The following FSHR variants were observed in gnomAD, a reference collection of about 807,000 sequenced individuals.
The protein encoded by FSHR is follicle-stimulating hormone receptor.
A neutral mutation model predicts 52.1 loss-of-function variants in FSHR; 46 were observed. The observed-to-expected ratio is 0.88, with a 90% confidence interval of 0.70 to 1.13. FSHR has a LOEUF of 1.13. FSHR is among the 50% of genes most tolerant of loss of function. The pLI is 0.00. For missense variants in FSHR, 964 were observed against 834.6 expected, an observed-to-expected ratio of 1.16 and a Z score of -1.91; for synonymous variants, 399 against 309.6, an observed-to-expected ratio of 1.29 and a Z score of -3.03.
intron 5 of FSHR, among the ~76,000 whole-genome samples, chr2:48,990,105 C>A (rs942223508): frequency 1.3e-5 from 2 of 152,008 alleles, no homozygotes; most frequent in African/African-American, 4.8e-5. Context: ...TTTTCTCTTC[C>A]TTTTTCAAAA....
At chr2:49,048,590 C>A (rs1008003091) in intron 2 of FSHR, among the ~76,000 whole-genome samples, 2 of 152,198 alleles carry the variant, frequency 1.3e-5, no homozygotes, top group Middle Eastern at 3.2e-3. Context: ...GTGCATATTA[C>A]GTGTTTATAA....
intron 1 of FSHR, among the ~76,000 whole-genome samples, chr2:49,122,950 C>G (rs192710652): frequency 4.6e-5 from 7 of 152,266 alleles, no homozygotes; most frequent in African/African-American, 1.7e-4. Context: ...GCCTAGCCCT[C>G]TATCATCCTC....
At chr2:49,131,160 C>T (rs1672248773) in intron 1 of FSHR, among the ~76,000 whole-genome samples, 1 of 152,074 alleles carries the variant, frequency 6.6e-6, no homozygotes, top group South Asian at 2.1e-4. Context: ...TTATTTAAAA[C>T]ATTTTGGTAA....
At chr2:49,104,268 A>G (rs1186665172) in intron 1 of FSHR, among the ~76,000 whole-genome samples, 8 of 152,102 alleles carry the variant, frequency 5.3e-5, no homozygotes, top group Admixed American at 4.6e-4. Context: ...GCACACCTTG[A>G]CTTTCTGGTC....
intron 4 of FSHR, among the ~76,000 whole-genome samples, chr2:49,010,351 A>G (rs867930424): frequency 6.7e-6 from 1 of 150,094 alleles, no homozygotes; most frequent in Middle Eastern, 3.4e-3. Context: ...TGTATATTGA[A>G]CCAGCCTTGC....
intron 4 of FSHR, among the ~76,000 whole-genome samples, chr2:49,009,717 T>C (rs1280176639): frequency 1.4e-5 from 2 of 147,584 alleles, no homozygotes. Flanking sequence ...CAGTGGTTTG[T>C]AGTTCTCCTT....
chr2:49,107,699 C>G (rs1260038840), intron 1 of FSHR, among the ~76,000 whole-genome samples: 1 of 152,044 alleles, frequency 6.6e-6, no homozygotes, highest in Admixed American at 6.6e-5. Flanking sequence ...TGTTGTAGTC[C>G]TTTTGATAAC....
chr2:49,028,548 T>G (rs1667987977), intron 2 of FSHR, among the ~76,000 whole-genome samples: 1 of 152,364 alleles, frequency 6.6e-6, no homozygotes, highest in East Asian at 1.9e-4. Context: ...TGGCATGGAA[T>G]AGATTGCTAA....
chr2:49,006,020 C>G (rs1667064150), intron 4 of FSHR, among the ~76,000 whole-genome samples: 1 of 152,076 alleles, frequency 6.6e-6, no homozygotes, highest in African/African-American at 2.4e-5. Flanking sequence ...AGCCTCTCAG[C>G]CTACATCTTT....
intron 1 of FSHR, among the ~76,000 whole-genome samples, chr2:49,145,203 T>C (rs1378173644): frequency 6.6e-6 from 1 of 152,168 alleles, no homozygotes; most frequent in Non-Finnish European, 1.5e-5. Flanking sequence ...TGGTGCTCTT[T>C]TCTACCTTCT....
intron 1 of FSHR, among the ~76,000 whole-genome samples, chr2:49,086,574 C>A (rs552292526): frequency 3.3e-5 from 5 of 152,344 alleles, no homozygotes; most frequent in South Asian, 2.1e-4. Context: ...ATTTTTCATA[C>A]TATAAATGCC....
At chr2:49,044,816 A>T (rs575345619) in intron 2 of FSHR, among the ~76,000 whole-genome samples, 9 of 152,158 alleles carry the variant, frequency 5.9e-5, no homozygotes, top group Non-Finnish European at 1.0e-4. Context: ...CATAATGGCT[A>T]TATTTAGACT....
intron 6 of FSHR, among the ~76,000 whole-genome samples, 158 bp downstream of exon 6, chr2:48,988,819 G>A (rs1310884354): frequency 6.6e-6 from 1 of 152,214 alleles, no homozygotes; most frequent in Non-Finnish European, 1.5e-5. Flanking sequence ...TTGTGATTCT[G>A]AAATGTAAAG....
intron 6 of FSHR, among the ~76,000 whole-genome samples, chr2:48,988,569 C>A (rs1675621534): frequency 6.6e-6 from 1 of 152,222 alleles, no homozygotes; most frequent in African/African-American, 2.4e-5. Context: ...CAGCATGGGC[C>A]TGAACAGGAA....
intron 1 of FSHR, among the ~76,000 whole-genome samples, chr2:49,090,804 G>C (rs1478866807): frequency 1.3e-5 from 2 of 152,092 alleles, no homozygotes; most frequent in African/African-American, 4.8e-5. Context: ...GAGCTGTTCT[G>C]ATAGCTATAA....
chr2:49,121,744 A>G lies in FSHR; in HGVS notation c.152+32522T>C, dbSNP rs1040725183. 1.3e-4 allele frequency among the ~76,000 whole-genome samples: 20 copies of G among 152,076 alleles called. No individual in the cohort carries two copies. In the East Asian group the frequency reaches 3.9e-3, roughly 29 times the overall value. On this transcript the variant is annotated intron_variant, in intron 1 of 9. Transcript: ENST00000406846. ...CAACATCGGAGTTTGTCACCCAAAA[A>G]CTGGTTGCCACCGCATCAAAGTCCC...
intron 2 of FSHR, among the ~76,000 whole-genome samples, chr2:49,051,523 T>G (rs1668855612): frequency 6.6e-6 from 1 of 152,136 alleles, no homozygotes; most frequent in South Asian, 2.1e-4. Context: ...CCATTTTAAA[T>G]TAGATTGTGT....
intron 8 of FSHR, among the ~76,000 whole-genome samples, chr2:48,975,212 G>A (rs556101030): frequency 6.6e-6 from 1 of 152,196 alleles, no homozygotes; most frequent in South Asian, 2.1e-4. Flanking sequence ...CAGAAGCTGG[G>A]TACCCCTTCT....
At position 48,968,593 on chromosome 2, in the gene FSHR, G is replaced by A; in HGVS notation, c.854+105C>T. ...AATGTGCCAAAGGGCTTGAGACAGGGAACTCTCTGCAAGTAGATTCTCTTC... is the reference window on the plus strand; with the variant it reads ...AATGTGCCAAAGGGCTTGAGACAGGAAACTCTCTGCAAGTAGATTCTCTTC... On this transcript the variant is annotated intron_variant, in intron 9 of 9. Transcript: ENST00000406846. 2.2e-6 allele frequency: 3 copies of A among 1,334,244 alleles called. No individual in the cohort carries two copies. The South Asian group carries it at 3.7e-5, about 16-fold the overall frequency. The allele number at this position is 1,334,244 out of a possible 1,614,324, so 82.7% of individuals were successfully genotyped here.
Sources: allele counts gnomAD v4.1 joint callset (sites outside exome capture counted in the v4.1 genomes callset), GRCh38; gene constraint gnomAD v4.1.1; transcripts MANE v1.5; gene names NCBI Gene and HGNC (gene_info 2026-07-23, HGNC 2026-07-21).